The following FHIT variants were observed in gnomAD, a reference collection of about 807,000 sequenced individuals.
FHIT encodes fragile histidine triad diadenosine triphosphatase, also known as bis(5'-adenosyl)-triphosphatase.
Under a neutral mutation model 17.9 loss-of-function variants are expected in FHIT, and 19 were observed. That is an observed-to-expected ratio of 1.06 (90% confidence interval 0.74 to 1.56). FHIT has a LOEUF of 1.56. Among genes scored for constraint, FHIT ranks in the 40% most tolerant of loss-of-function variants. The pLI is 0.00. For synonymous variants in FHIT, 81 were observed against 69.7 expected, an observed-to-expected ratio of 1.16 and a Z score of -0.81; for missense variants, 248 against 189.2, an observed-to-expected ratio of 1.31 and a Z score of -1.82.
rs78174037 is a variant in FHIT at position 60,974,881 on chromosome 3, A to G, written c.-111+67166T>C. On this transcript the variant is annotated intron_variant, in intron 3 of 9. Coordinates refer to ENST00000492590, the MANE Select transcript of FHIT (RefSeq NM_002012.4). ...CCCATTCTTGAAGTTCCAAAGTTAG[A>G]GTATTATTGGCATTTTTCACCTATT... Among the ~76,000 whole-genome samples the G allele has an allele frequency of 6.4e-4, 98 of 152,278 alleles. No homozygotes were observed. In the East Asian group the frequency reaches 0.018, roughly 28 times the overall value.
chr3:61,010,787 A>G (rs2031744553), intron 3 of FHIT, among the ~76,000 whole-genome samples: 1 of 152,238 alleles, frequency 6.6e-6, no homozygotes, highest in African/African-American at 2.4e-5. Flanking sequence ...GTTTACCTAA[A>G]TATTTCTCAT....
intron 5 of FHIT, among the ~76,000 whole-genome samples, chr3:60,457,744 C>A (rs1433533011): frequency 7.7e-6 from 1 of 130,182 alleles, no homozygotes; most frequent in African/African-American, 2.5e-5. Flanking sequence ...AGAAAAAAAA[C>A]AAAGAATCCC....
At chr3:59,778,605 G>T (rs1702436130) in intron 8 of FHIT, among the ~76,000 whole-genome samples, 1 of 152,126 alleles carries the variant, frequency 6.6e-6, no homozygotes. Context: ...CACAGACTTG[G>T]CTGTGTTCCG....
At chr3:60,287,742 G>A (rs899735492) in intron 5 of FHIT, among the ~76,000 whole-genome samples, 3 of 152,178 alleles carry the variant, frequency 2.0e-5, no homozygotes, top group Non-Finnish European at 4.4e-5. Flanking sequence ...GAAGGAAAAG[G>A]AAAAGAAAGG....
intron 7 of FHIT, among the ~76,000 whole-genome samples, chr3:60,007,020 A>G (rs189958372): frequency 6.3e-4 from 96 of 152,336 alleles, no homozygotes; most frequent in African/African-American, 2.3e-3. Flanking sequence ...CACTGCGTTA[A>G]TACTATAAAA....
intron 8 of FHIT, among the ~76,000 whole-genome samples, chr3:59,881,581 CCAAAA>C (rs1252219010): frequency 1.6e-4 from 25 of 152,060 alleles, no homozygotes; most frequent in African/African-American, 5.8e-4. Flanking sequence ...GAAGGACCTC[CCAAAA>C]CAAAACAAAT....
intron 5 of FHIT, among the ~76,000 whole-genome samples, chr3:60,441,757 A>AC (rs1336572305): frequency 1.8e-5 from 1 of 55,940 alleles, no homozygotes; most frequent in Admixed American, 2.7e-4. Context: ...TATATATAAA[A>AC]ATATATATAT....
intron 3 of FHIT, among the ~76,000 whole-genome samples, chr3:60,917,766 T>A (rs1440932722): frequency 6.6e-6 from 1 of 152,238 alleles, no homozygotes; most frequent in East Asian, 1.9e-4. Context: ...AGATTTACTT[T>A]CCTTATATCA....
At chr3:60,279,895 G>T (rs1707347718) in intron 5 of FHIT, among the ~76,000 whole-genome samples, 1 of 151,910 alleles carries the variant, frequency 6.6e-6, no homozygotes, top group African/African-American at 2.4e-5. Context: ...AGCCAGGTAT[G>T]GTGGCAGGCA....
chr3:59,815,191 T>C (rs368104951), intron 8 of FHIT, among the ~76,000 whole-genome samples: 6 of 152,202 alleles, frequency 3.9e-5, no homozygotes, highest in African/African-American at 1.4e-4. Context: ...TTTTTGTTTT[T>C]TTAACTTCAG....
chr3:60,171,573 C>T (rs759167190), intron 5 of FHIT, among the ~76,000 whole-genome samples: 3 of 152,134 alleles, frequency 2.0e-5, no homozygotes, highest in Non-Finnish European at 4.4e-5. Context: ...AGTAAAATTG[C>T]CACTTTTCTT....
intron 4 of FHIT, among the ~76,000 whole-genome samples, chr3:60,786,436 C>T (rs1309620078): frequency 6.6e-6 from 1 of 152,134 alleles, no homozygotes; most frequent in Non-Finnish European, 1.5e-5. Context: ...GTGTAATATG[C>T]TTAAGAATGG....
chr3:60,107,150 C>CTTTTTTTTTTTTTTTTTTTTTTTTTTTT (rs540311961), intron 5 of FHIT, among the ~76,000 whole-genome samples: 1 of 95,158 alleles, frequency 1.1e-5, no homozygotes, highest in African/African-American at 4.1e-5. Flanking sequence ...AGCTTTAATT[C>CTTTTTTTTTTTTTTTTTTTTTTTTTTTT]TTTTTTTTTT....
At chr3:60,061,746 G>A (rs182400255) in intron 5 of FHIT, among the ~76,000 whole-genome samples, 23 of 152,198 alleles carry the variant, frequency 1.5e-4, no homozygotes, top group African/African-American at 4.1e-4. Context: ...TATTCAGATC[G>A]GATGCTAGGA....
At chr3:59,970,140 G>C (rs113496559) in intron 7 of FHIT, among the ~76,000 whole-genome samples, 1 of 152,002 alleles carries the variant, frequency 6.6e-6, no homozygotes, top group African/African-American at 2.4e-5. Flanking sequence ...AAGACAAAAA[G>C]GATGGTCTTT....
At chr3:59,795,928 A>G (rs896943427) in intron 8 of FHIT, among the ~76,000 whole-genome samples, 1 of 152,110 alleles carries the variant, frequency 6.6e-6, no homozygotes, top group Non-Finnish European at 1.5e-5. Flanking sequence ...GGAACACACA[A>G]TGAACTTTTC....
intron 3 of FHIT, among the ~76,000 whole-genome samples, chr3:60,996,101 A>C (rs987406648): frequency 2.0e-5 from 3 of 152,224 alleles, no homozygotes; most frequent in African/African-American, 7.2e-5. Context: ...GAATGTAATC[A>C]TTCCAAGCAC....
At chr3:61,041,257 G>C (rs759039511) in intron 3 of FHIT, among the ~76,000 whole-genome samples, 29 of 151,622 alleles carry the variant, frequency 1.9e-4, no homozygotes, top group Admixed American at 1.3e-3. Flanking sequence ...CACGCCTCTA[G>C]TCCCAGCTAC....
chr3:60,051,543 G>A (rs1701880517), intron 5 of FHIT, among the ~76,000 whole-genome samples: 1 of 152,032 alleles, frequency 6.6e-6, no homozygotes, highest in South Asian at 2.1e-4. Flanking sequence ...CCCACCACTG[G>A]TGCCATGCCA....
Sources: allele counts gnomAD v4.1 joint callset (sites outside exome capture counted in the v4.1 genomes callset), GRCh38; gene constraint gnomAD v4.1.1; transcripts MANE v1.5; gene names NCBI Gene and HGNC (gene_info 2026-07-23, HGNC 2026-07-21).